KDM4B: variants seen among roughly 807,000 people sequenced by gnomAD.
The protein encoded by KDM4B is lysine-specific demethylase 4B.
KDM4B carries 32 observed loss-of-function variants against 125.2 expected under a neutral mutation model. The observed-to-expected ratio is 0.26, with a 90% CI of 0.19 to 0.34. The LOEUF (loss-of-function observed/expected upper bound fraction) is 0.34. Among genes scored for constraint, KDM4B ranks in the 10% least tolerant of loss-of-function variants. The probability of loss-of-function intolerance (pLI) is 1.00; values close to 1 mark genes in which losing one functional copy is unlikely to be tolerated. For synonymous variants in KDM4B, 721 were observed against 677.9 expected, an observed-to-expected ratio of 1.06 and a Z score of -0.99; for missense variants, 1,190 against 1,577.7, an observed-to-expected ratio of 0.75 and a Z score of 4.16.
At chr19:5,136,332 G>A (rs944564724) in intron 15 of KDM4B, among the ~76,000 whole-genome samples, 3 of 152,212 alleles carry the variant, frequency 2.0e-5, no homozygotes, top group African/African-American at 7.2e-5. Flanking sequence ...ATGGATGTCT[G>A]TCTCTTTCCC....
intron 18 of KDM4B, among the ~76,000 whole-genome samples, chr19:5,139,074 C>T (rs1462147795): frequency 6.6e-6 from 1 of 152,072 alleles, no homozygotes; most frequent in Non-Finnish European, 1.5e-5. Context: ...AAGCACGTGC[C>T]AAAAAGTTAG....
chr19:5,045,616 C>T (rs955134129), intron 5 of KDM4B, among the ~76,000 whole-genome samples: 6 of 151,536 alleles, frequency 4.0e-5, no homozygotes, highest in African/African-American at 1.2e-4. Context: ...GCTGGAACTA[C>T]GGTGCCCACC....
chr19:5,076,628 T>A (rs1210427521), intron 7 of KDM4B: 1 of 148,292 alleles, frequency 6.7e-6, no homozygotes, highest in African/African-American at 2.7e-5. Context: ...CACTGCATCC[T>A]TTCCCCAGGG....
At chr19:5,116,235 T>TAA (rs35940660) in intron 10 of KDM4B, among the ~76,000 whole-genome samples, 5,010 of 40,254 alleles carry the variant, frequency 0.12, 570 homozygotes, top group Non-Finnish European at 0.15. Context: ...ACCACATCTC[T>TAA]AAAAAAAAAA....
intron 17 of KDM4B, 25 bp downstream of exon 17, chr19:5,137,701 T>G: frequency 6.4e-7 from 1 of 1,560,674 alleles, no homozygotes; most frequent in Non-Finnish European, 8.6e-7. Context: ...GCGTTGGGGC[T>G]GGAGGGCCGG....
intron 7 of KDM4B, among the ~76,000 whole-genome samples, chr19:5,072,193 C>T (rs1297729404): frequency 6.6e-6 from 1 of 152,226 alleles, no homozygotes; most frequent in Non-Finnish European, 1.5e-5. Context: ...CTTCCCCCTT[C>T]CCATGGGCTT....
chr19:4,990,049 G>T (rs569790994), intron 1 of KDM4B, among the ~76,000 whole-genome samples: 2 of 152,146 alleles, frequency 1.3e-5, no homozygotes, highest in South Asian at 2.1e-4. Context: ...AAGCGCTTTG[G>T]GGGGCTGAGG....
chr19:4,969,255 GCC>G (rs1468191239), intron 1 of KDM4B, 25 bp downstream of exon 1: 4 of 147,360 alleles, frequency 2.7e-5, no homozygotes, highest in African/African-American at 9.8e-5. Flanking sequence ...AGGCCGCCCG[GCC>G]GTGTCCGAGC....
chr19:5,131,667 G>T, intron 12 of KDM4B, 122 bp downstream of exon 12: 1 of 368,264 alleles, frequency 2.7e-6, no homozygotes, highest in Non-Finnish European at 4.6e-6. Context: ...GGGGACAGGA[G>T]GGCTGACTGC....
rs745995845 is a variant in KDM4B, at chr19:5,110,755, C to G, written c.1052C>G (p.Thr351Ser). Residue 351 changes from threonine (T) to serine (S), a missense_variant, in exon 10 of 23, where the codon ACC becomes AGC. Around this residue, in one of 7 missense-constraint regions of KDM4B, gnomAD observed 428 missense variants for 405.1 expected, o/e 1.06. Coordinates refer to ENST00000159111, the MANE Select transcript of KDM4B (RefSeq NM_015015.3). ...VLDHTRPTAL[T>S]SPELSSWSAS... ...GACCACACGCGGCCCACGGCGCTCA[C>G]CAGCCCCGAGCTGAGCTCCTGGAGT... 70 of 1,610,394 alleles carry G rather than the reference C, an allele frequency of 4.3e-5. No homozygotes were observed. Among genetic ancestry groups the G allele is most frequent in the Non-Finnish European group, 2.9e-5 (34 of 1,178,808 alleles).
intron 1 of KDM4B, among the ~76,000 whole-genome samples, chr19:5,011,457 C>T (rs2035724871): frequency 6.6e-6 from 1 of 152,206 alleles, no homozygotes; most frequent in East Asian, 1.9e-4. Context: ...TGGGTGTCCA[C>T]CCCCAACCTG....
Position 4,971,653 on chromosome 19 carries a change from G to A in KDM4B, c.-109+2423G>A, listed in dbSNP as rs991827461. On this transcript the variant is annotated intron_variant, in intron 1 of 22. Coordinates refer to ENST00000159111, the MANE Select transcript of KDM4B (RefSeq NM_015015.3). The surrounding 1 kb of genome is among the most constrained non-coding windows in gnomAD (Gnocchi z 4.1). The stretch of plus-strand genomic sequence containing the variant: ...GGCTCCTGTGGGTTTAGAGTGTAGT[G>A]GGGGAAAGGGTGAGCTGGCTGCCCA... Among the ~76,000 whole-genome samples the A allele has an allele frequency of 6.6e-6, 1 of 152,176 alleles. No homozygotes were observed. The highest frequency in any genetic ancestry group is 2.1e-4 in the South Asian group (1 of 4,834).
chr19:5,016,724 TGTCA>T (rs1280694557), intron 2 of KDM4B, among the ~76,000 whole-genome samples: 1 of 152,190 alleles, frequency 6.6e-6, no homozygotes, highest in Non-Finnish European at 1.5e-5. Flanking sequence ...CCCCACACAC[TGTCA>T]GAAGTGGGGA....
chr19:5,146,173 G>A (rs909058022), intron 21 of KDM4B, among the ~76,000 whole-genome samples: 5 of 127,294 alleles, frequency 3.9e-5, no homozygotes, highest in East Asian at 2.5e-4. Flanking sequence ...ATCCAGGACC[G>A]CCTTGCCATG....
chr19:5,061,838 A>AAACAAAAAACAAC (rs1555702899), intron 6 of KDM4B, among the ~76,000 whole-genome samples: 1 of 151,954 alleles, frequency 6.6e-6, no homozygotes, highest in African/African-American at 2.4e-5. Context: ...TAAAAAAAAA[A>AAACAAAAAACAAC]AACAAAAAAC....
intron 1 of KDM4B, among the ~76,000 whole-genome samples, chr19:4,970,058 C>A (rs1459566370): frequency 2.6e-5 from 4 of 152,128 alleles, no homozygotes; most frequent in African/African-American, 9.7e-5. Flanking sequence ...GGACATCCCC[C>A]TGGGAGCTGG....
At chr19:5,149,522 C>G (rs1445410918) in intron 21 of KDM4B, among the ~76,000 whole-genome samples, 1 of 152,208 alleles carries the variant, frequency 6.6e-6, no homozygotes, top group Non-Finnish European at 1.5e-5. Flanking sequence ...GGAACCTTCT[C>G]CCCCTGGAGC....
intron 17 of KDM4B, 105 bp from the exon 18 acceptor site, chr19:5,137,857 T>A: frequency 8.9e-7 from 1 of 1,118,934 alleles, no homozygotes; most frequent in East Asian, 2.6e-5. Flanking sequence ...CTTCCTGAAG[T>A]TCCCCAGGCC....
At chr19:5,054,577 T>C (rs1433280121) in intron 6 of KDM4B, among the ~76,000 whole-genome samples, 1 of 152,226 alleles carries the variant, frequency 6.6e-6, no homozygotes, top group Non-Finnish European at 1.5e-5. Flanking sequence ...GGAGGGAGTC[T>C]GGCCCCCTGG....
Sources: gnomAD v4.1 joint callset for allele counts (sites outside exome capture counted in the v4.1 genomes callset) on GRCh38, gnomAD v4.1.1 for gene constraint, gnomAD v4.1.1 regional missense constraint, Gnocchi (gnomAD v3.1) non-coding constraint, MANE v1.5 for transcripts, NCBI Gene and HGNC (gene_info 2026-07-23, HGNC 2026-07-21) for gene names.